Variants in CSPG4 observed in about 807,000 individuals in gnomAD.
CSPG4 encodes chondroitin sulfate proteoglycan 4 (melanoma-associated).
Under a neutral mutation model 139.3 loss-of-function variants are expected in CSPG4, and 74 were observed. That is an observed-to-expected ratio of 0.53 (90% CI 0.44 to 0.64). CSPG4 has a LOEUF of 0.64. Among genes scored for constraint, CSPG4 ranks in the 30% least tolerant of loss-of-function variants. The probability of loss-of-function intolerance (pLI) is 0.00; values close to 1 mark genes in which losing one functional copy is unlikely to be tolerated. For synonymous variants in CSPG4, 1,234 were observed against 1,394.2 expected, an observed-to-expected ratio of 0.89 and a Z score of 2.56; for missense variants, 2,565 against 3,148.3, an observed-to-expected ratio of 0.81 and a Z score of 4.43.
chr15:75,690,616 C>A lies in CSPG4; in HGVS notation c.449G>T (p.Gly150Val), dbSNP rs200774721. 3 of 1,609,976 alleles carry A rather than the reference C, an allele frequency of 1.9e-6. No individual in the cohort carries two copies. The highest frequency in any genetic ancestry group is 2.5e-6 in the Non-Finnish European group (3 of 1,179,086). The change falls in exon 3 of 10, where the codon GGC becomes GTC. Residue 150 changes from glycine (G) to valine (V), a missense_variant. By Grantham distance (109) the Gly-to-Val change is moderately radical. Around this residue, in one of 5 missense-constraint regions of CSPG4, gnomAD observed 132 missense variants for 132.3 expected, o/e 1.00. Coordinates refer to ENST00000308508, the MANE Select transcript of CSPG4 (RefSeq NM_001897.5). ...LEVPYGLFVG[G>V]TGTLGLPYLR... ...GTAGGGCAGGCCAAGGGTCCCAGTG[C>A]CCCCAACAAAGAGCCCATAGGGGAC...
chr15:75,685,370 G>A lies in CSPG4; in HGVS notation c.4121C>T (p.Thr1374Ile). 6.2e-7 allele frequency: 1 copy of A among 1,610,272 alleles called. No homozygotes were observed. The highest frequency in any genetic ancestry group is 1.1e-5 in the South Asian group (1 of 90,746). Reference protein sequence around the residue: ...NFSVPEGGSLTLAPPLLRVSG... With the variant: ...NFSVPEGGSLILAPPLLRVSG... ...GACACGGAGCAGTGGAGGGGCCAGG[G>A]TGAGGCTGCCACCCTCAGGGACGCT... Residue 1374 changes from threonine (T) to isoleucine (I), a missense_variant, in exon 4 of 10, where the codon ACC (threonine) becomes ATC (isoleucine). Transcript: ENST00000308508.
intron 8 of CSPG4, chr15:75,678,413 C>T (rs1047430828): frequency 1.8e-5 from 6 of 332,156 alleles, no homozygotes; most frequent in East Asian, 8.4e-5. Flanking sequence ...ACTGCAGTGG[C>T]GTGATCATGG....
At chr15:75,699,676 A>G (rs983689199) in intron 1 of CSPG4, among the ~76,000 whole-genome samples, 4 of 152,124 alleles carry the variant, frequency 2.6e-5, no homozygotes, top group African/African-American at 9.7e-5. Context: ...GTTTTGAGGG[A>G]AGAAGCAGCC....
At chr15:75,681,949 C>T (rs1893979810) in intron 8 of CSPG4, among the ~76,000 whole-genome samples, 1 of 152,222 alleles carries the variant, frequency 6.6e-6, no homozygotes, top group African/African-American at 2.4e-5. Flanking sequence ...CCCTCATCAG[C>T]TACTGGGGTA....
chr15:75,688,961 G>A lies in CSPG4; in HGVS notation c.2104C>T (p.Arg702Cys), dbSNP rs1221734788. The A allele has an allele frequency of 8.7e-6, 14 of 1,612,396 alleles. No individual in the cohort carries two copies. The highest frequency in any genetic ancestry group is 1.1e-5 in the Non-Finnish European group (13 of 1,180,022). Residue 702 changes from arginine to cysteine, a missense_variant, in exon 3 of 10, where the codon CGC becomes TGC. Arg to Cys is a radical substitution (Grantham distance 180). Coordinates refer to ENST00000308508, the MANE Select transcript of CSPG4 (RefSeq NM_001897.5). The stretch of plus-strand genomic sequence containing the variant: ...CCAAACTGCAGGGCCCCAGTGACGC[G>A]GAACAGCACGCTCACATCCTGCCCC... ...AVGQDVSVLF[R>C]VTGALQFGEL... is the part of the protein sequence containing the mutation.
chr15:75,685,579 A>G lies in CSPG4; in HGVS notation c.3912T>C (p.Pro1304=), dbSNP rs1127643. The change falls in exon 4 of 10, where the codon CCT becomes CCC. Residue 1304 remains proline, a synonymous_variant. Transcript: ENST00000308508. ...CTGCCTCCTGGGAGAAGCTCTGCAC[A>G]GGGTCCAGGCTGGGTGGCTCATCTG... ...ALADEPPSLD[P]VQSFSQEAVD... 844,481 of 1,605,144 alleles carry G rather than the reference A, an allele frequency of 0.53. 227,160 individuals are homozygous for G. Among genetic ancestry groups the G allele is most frequent in the Non-Finnish European group, 0.56 (654,700 of 1,176,204 alleles).
rs370232974 is a variant in CSPG4, at chr15:75,688,800, G to A, written c.2265C>T (p.Thr755=). 1.1e-5 allele frequency: 17 copies of A among 1,612,728 alleles called. No homozygotes were observed. The East Asian group carries it at 1.6e-4, about 15-fold the overall frequency. ...GCACCTCCAGGGCCAGGTTCTCCAC[G>A]GTGTCGTAAGCGTGGTGCTGTGGGT... ...STDPQHHAYD[T]VENLALEVQV... is the part of the protein sequence containing the mutation. Residue 755 remains threonine, a synonymous_variant, in exon 3 of 10, where the codon ACC becomes ACT. Coordinates refer to ENST00000308508, the MANE Select transcript of CSPG4 (RefSeq NM_001897.5).
At position 75,689,673 on chromosome 15, in the gene CSPG4, G is replaced by T; in HGVS notation, c.1392C>A (p.Arg464=). The T allele has an allele frequency of 6.2e-7, 1 of 1,612,904 alleles. No homozygotes were observed. Among genetic ancestry groups the T allele is most frequent in the South Asian group, 1.1e-5 (1 of 91,078 alleles). Residue 464 remains arginine, a synonymous_variant, in exon 3 of 10, where the codon CGC becomes CGA. Coordinates refer to ENST00000308508, the MANE Select transcript of CSPG4 (RefSeq NM_001897.5). ...TCACGCTGAACAGCACCTGGGATTT[G>T]CGCAGCTCAGCCTCCATCAGGTCCA... is the stretch of plus-strand genomic sequence containing the variant. ...PTLDLMEAEL[R]KSQVLFSVTR...
At chr15:75,711,856 C>T (rs547924328) in intron 1 of CSPG4, among the ~76,000 whole-genome samples, 3 of 152,182 alleles carry the variant, frequency 2.0e-5, no homozygotes, top group Admixed American at 6.5e-5. Flanking sequence ...TTTCTGGCAT[C>T]GGGACAGAGA....
In CSPG4 at chr15:75,712,667, C is replaced by T. The variant is rs1475034717; in HGVS notation, c.88+1G>A. On this transcript the variant is annotated splice_donor_variant, in intron 1 of 9. Transcript: ENST00000308508. LOFTEE classifies it high-confidence loss of function. ...GTCGGGGTCTCAGGCCCCTCACTCA[C>T]CCGCGGATGCAAGTCTGGCCAACAT... The T allele has an allele frequency of 1.3e-6, 2 of 1,558,498 alleles. No individual in the cohort carries two copies. Among genetic ancestry groups the T allele is most frequent in the African/African-American group, 1.4e-5 (1 of 73,858 alleles).
chr15:75,697,208 G>A (rs1566976715), intron 1 of CSPG4, among the ~76,000 whole-genome samples: 1 of 152,104 alleles, frequency 6.6e-6, no homozygotes, highest in African/African-American at 2.4e-5. Context: ...TCTCTCCTTC[G>A]CCTCCGGCCA....
chr15:75,693,123 C>T lies in CSPG4; in HGVS notation c.199G>A (p.Ala67Thr), dbSNP rs139064791. 1,396 of 1,565,074 alleles carry T rather than the reference C, an allele frequency of 8.9e-4. No individual in the cohort carries two copies. The African/African-American group carries it at 0.016, about 18-fold the overall frequency. ...TSQPEALLLL[A>T]AGPADHLLLQ... The stretch of plus-strand genomic sequence containing the variant: ...AGGAGGTGGTCAGCTGGGCCTGCTG[C>T]CAGGAGAAGGAGGGCTTCGGGCTGG... Residue 67 changes from alanine to threonine, a missense_variant, in exon 2 of 10, where the codon GCA (alanine) becomes ACA (threonine). By Grantham distance (58) the Ala-to-Thr change is moderately conservative. Coordinates refer to ENST00000308508, the MANE Select transcript of CSPG4 (RefSeq NM_001897.5).
chr15:75,712,870 G>A, upstream of CSPG4: 1 of 836,886 alleles, frequency 1.2e-6, no homozygotes, highest in Non-Finnish European at 1.7e-6. Context: ...GGGTGTCCGC[G>A]CACTTAACTC....
chr15:75,695,200 C>T lies in CSPG4; in HGVS notation c.89-1967G>A, dbSNP rs573967399. 4.6e-5 allele frequency among the ~76,000 whole-genome samples: 7 copies of T among 152,290 alleles called. No individual in the cohort carries two copies. In the East Asian group the frequency reaches 1.3e-3, roughly 29 times the overall value. On this transcript the variant is annotated intron_variant, in intron 1 of 9. Coordinates refer to ENST00000308508, the MANE Select transcript of CSPG4 (RefSeq NM_001897.5). ...GGCACATGTCCCTGCCCCTACCCAC[C>T]CTTGCACTAAAGGTATATGTAGACC... is the stretch of plus-strand genomic sequence containing the variant.
rs778304264 is a variant in CSPG4, at chr15:75,693,226, G to A, written c.96C>T (p.Phe32=). Residue 32 remains phenylalanine (F), a synonymous_variant, in exon 2 of 10, where the codon TTC becomes TTT. Transcript: ENST00000308508. ...GCACCTCCAGGTGGTTCTCACCGAAGAAGGAAGCTGTGTGAGAGAGGGAGC... is the reference window on the plus strand; with the variant it reads ...GCACCTCCAGGTGGTTCTCACCGAAAAAGGAAGCTGTGTGAGAGAGGGAGC... ...MLARLASAAS[F]FGENHLEVPV... 1.2e-6 allele frequency: 2 copies of A among 1,602,034 alleles called. No homozygotes were observed. The highest frequency in any genetic ancestry group is 1.7e-6 in the Non-Finnish European group (2 of 1,174,384).
rs747631042 is a variant in CSPG4, at chr15:75,696,905, G to A, written c.89-3672C>T. On this transcript the variant is annotated intron_variant, in intron 1 of 9. Transcript: ENST00000308508. The surrounding 1 kb of genome is among the most constrained non-coding windows in gnomAD (Gnocchi z 4.2). ...CCCCCTCTGTCAGGGCAAGGGCTGC[G>A]CTGGCATCTCCGGGCTCCCCGGAGG... Among the ~76,000 whole-genome samples, 3 of 152,224 alleles carry A rather than the reference G, an allele frequency of 2.0e-5. No individual in the cohort carries two copies. The highest frequency in any genetic ancestry group is 4.8e-5 in the African/African-American group (2 of 41,466).
At chr15:75,707,161 T>C (rs1200227898) in intron 1 of CSPG4, among the ~76,000 whole-genome samples, 1 of 152,108 alleles carries the variant, frequency 6.6e-6, no homozygotes. Context: ...TTCACCATGT[T>C]GGCCAGGCTG....
At chr15:75,678,198 C>A (rs951628152) in intron 8 of CSPG4, among the ~76,000 whole-genome samples, 1 of 152,184 alleles carries the variant, frequency 6.6e-6, no homozygotes, top group Non-Finnish European at 1.5e-5. Flanking sequence ...TCCTCTTGTG[C>A]ACAGGATCCT....
rs536225501 is a variant in CSPG4, at chr15:75,705,181, G to C, written c.88+7487C>G. 2.0e-5 allele frequency among the ~76,000 whole-genome samples: 3 copies of C among 152,284 alleles called. No individual in the cohort carries two copies. In the South Asian group the frequency reaches 6.2e-4, roughly 32 times the overall value. On this transcript the variant is annotated intron_variant, in intron 1 of 9. Transcript: ENST00000308508. ...CACTTCTTCTAGCACTGAGAGAGGG[G>C]TGTGGGCCTCAGCCCAGTTAGCCAC...
Sources: gnomAD v4.1 joint callset for allele counts (sites outside exome capture counted in the v4.1 genomes callset) on GRCh38, gnomAD v4.1.1 for gene constraint, gnomAD v4.1.1 regional missense constraint, Gnocchi (gnomAD v3.1) non-coding constraint, MANE v1.5 for transcripts, NCBI Gene and HGNC (gene_info 2026-07-23, HGNC 2026-07-21) for gene names.